SLC5A10: variants seen among roughly 807,000 people sequenced by gnomAD.
SLC5A10 encodes sodium/mannose cotransporter SLC5A10.
SLC5A10 carries 55 observed loss-of-function variants against 68.9 expected under a neutral mutation model. The observed-to-expected ratio is 0.80, with a 90% CI of 0.64 to 1.00. The LOEUF (loss-of-function observed/expected upper bound fraction) is 1.00. Among genes scored for constraint, SLC5A10 ranks in the 50% least tolerant of loss-of-function variants. SLC5A10 has a pLI of 0.00. For synonymous variants in SLC5A10, 344 were observed against 344.8 expected, an observed-to-expected ratio of 1.00 and a Z score of 0.02; for missense variants, 732 against 819.3, an observed-to-expected ratio of 0.89 and a Z score of 1.30.
At chr17:18,960,793 C>A in intron 5 of SLC5A10, 141 bp downstream of exon 5, 1 of 840,806 alleles carries the variant, frequency 1.2e-6, no homozygotes, top group Non-Finnish European at 1.9e-6. Flanking sequence ...GGGGCAATGA[C>A]TTGCCCAGGG....
chr17:18,963,183 A>C (rs949229245), intron 5 of SLC5A10, among the ~76,000 whole-genome samples: 26 of 152,224 alleles, frequency 1.7e-4, no homozygotes, highest in African/African-American at 6.3e-4. Context: ...AATAAAAAGA[A>C]CAAAAGGCAG....
intron 9 of SLC5A10, among the ~76,000 whole-genome samples, chr17:18,986,640 T>G (rs1003398578): frequency 4.6e-5 from 7 of 152,218 alleles, no homozygotes; most frequent in African/African-American, 1.7e-4. Flanking sequence ...AGGGCTTCTC[T>G]GCTGAGAAGG....
rs774587197 is a variant in SLC5A10 at position 19,019,836 on chromosome 17, C to T, written c.1534C>T (p.His512Tyr). ...GCGGCCAGCCGTCCTGGGGAGCATC[C>T]ACTACCTGCACTTCGCTGTCGCCCT... ...DTRPAVLGSI[H>Y]YLHFAVALFA... is the part of the protein sequence containing the mutation. The change falls in exon 13 of 15, where the codon CAC becomes TAC. Residue 512 changes from histidine (H) to tyrosine (Y), a missense_variant. By Grantham distance (83) the His-to-Tyr change is moderately conservative. Transcript: ENST00000395645. 14 of 1,613,674 alleles carry T rather than the reference C, an allele frequency of 8.7e-6. No individual in the cohort carries two copies. The South Asian group carries it at 1.1e-4, about 13-fold the overall frequency.
chr17:19,016,174 T>G (rs1278953717), intron 11 of SLC5A10, among the ~76,000 whole-genome samples: 2 of 151,942 alleles, frequency 1.3e-5, no homozygotes, highest in Non-Finnish European at 2.9e-5. Flanking sequence ...GCCTCTTGAG[T>G]AGCTGGGATT....
At position 18,959,038 on chromosome 17, in the gene SLC5A10, C is replaced by T. The variant is rs529587659; in HGVS notation, c.184-97C>T. On this transcript the variant is annotated intron_variant, in intron 2 of 14. Coordinates refer to ENST00000395645, the MANE Select transcript of SLC5A10 (RefSeq NM_001042450.4). ...CATCCGTGAGGTGGGGCTAGGACCC[C>T]GCTTAGGTTTGTGAGGATGAGGGAG... 80 of 1,232,356 alleles carry T rather than the reference C, an allele frequency of 6.5e-5. No individual in the cohort carries two copies. The African/African-American group carries it at 8.4e-4, about 13-fold the overall frequency. The allele number at this position is 1,232,356 out of a possible 1,614,324, so 76.3% of individuals were successfully genotyped here.
At chr17:19,011,652 A>G (rs1232900673) in intron 9 of SLC5A10, among the ~76,000 whole-genome samples, 1 of 151,600 alleles carries the variant, frequency 6.6e-6, no homozygotes, top group Non-Finnish European at 1.5e-5. Context: ...GAGGGGGAAG[A>G]AGCTATGAGC....
In SLC5A10 at chr17:18,968,347, T is replaced by C. The variant is rs1251785679; in HGVS notation, c.454-705T>C. Among the ~76,000 whole-genome samples the C allele has an allele frequency of 1.8e-4, 27 of 152,232 alleles. No homozygotes were observed. The highest frequency in any genetic ancestry group is 1.5e-5 in the Non-Finnish European group (1 of 68,030). ...GCCCATGTCCCAGAGAACAGGGTCCTGCCCTTCCTCTCACTGGGCCCCTAC... is the reference window on the plus strand; with the variant it reads ...GCCCATGTCCCAGAGAACAGGGTCCCGCCCTTCCTCTCACTGGGCCCCTAC... On this transcript the variant is annotated intron_variant, in intron 5 of 14. Coordinates refer to ENST00000395645, the MANE Select transcript of SLC5A10 (RefSeq NM_001042450.4). The surrounding 1 kb of genome is among the most constrained non-coding windows in gnomAD (Gnocchi z 4.1).
intron 9 of SLC5A10, among the ~76,000 whole-genome samples, chr17:18,980,798 T>C (rs890103913): frequency 3.3e-5 from 5 of 152,222 alleles, no homozygotes; most frequent in Admixed American, 6.5e-5. Context: ...GTGTAAGAAA[T>C]GCTCCTGGGT....
intron 9 of SLC5A10, among the ~76,000 whole-genome samples, chr17:18,989,269 G>C (rs2043349788): frequency 6.6e-6 from 1 of 152,098 alleles, no homozygotes; most frequent in Non-Finnish European, 1.5e-5. Context: ...AGCAAGCTGG[G>C]GACAGAGTCA....
At chr17:18,978,361 G>A (rs1375426806) in intron 9 of SLC5A10, 1 of 1,597,686 alleles carries the variant, frequency 6.3e-7, no homozygotes, top group South Asian at 1.1e-5. Flanking sequence ...GGTTCCAGAT[G>A]TTGGGGTCGA....
At position 19,013,459 on chromosome 17, in the gene SLC5A10, C is replaced by T. The variant is rs529272458; in HGVS notation, c.1032C>T (p.Ala344=). The part of the protein sequence containing the change: ...VPSECLRACG[A]EVGCSNIAYP... ...CCGAGTGCCTGCGGGCCTGCGGGGC[C>T]GAGGTCGGCTGCTCCAACATCGCCT... The change falls in exon 10 of 15, where the codon GCC becomes GCT. Residue 344 remains alanine, a synonymous_variant. Transcript: ENST00000395645. 172 of 1,603,778 alleles carry T rather than the reference C, an allele frequency of 1.1e-4. No homozygotes were observed. In the South Asian group the frequency reaches 1.6e-3, roughly 15 times the overall value.
chr17:19,002,123 C>G (rs981967409), intron 9 of SLC5A10, among the ~76,000 whole-genome samples: 1 of 152,200 alleles, frequency 6.6e-6, no homozygotes, highest in African/African-American at 2.4e-5. Context: ...CCTCCCCCTC[C>G]TCCTCCTCTT....
At chr17:19,019,325 G>A in intron 11 of SLC5A10, 98 bp from the exon 12 acceptor site, 1 of 1,435,608 alleles carries the variant, frequency 7.0e-7, no homozygotes, top group Admixed American at 2.1e-5. Context: ...GGGGTAGCAG[G>A]GGAAAGATTA....
chr17:19,003,754 G>A lies in SLC5A10; in HGVS notation c.983-9656G>A, dbSNP rs765732926. Reference sequence around the variant, plus strand: ...CCGCCCCGCTGGCTTCCTCGCCGTCGCCGACCCCATTGTCCTCGGGCCCCT... The same window carrying A: ...CCGCCCCGCTGGCTTCCTCGCCGTCACCGACCCCATTGTCCTCGGGCCCCT... On this transcript the variant is annotated intron_variant, in intron 9 of 14. Transcript: ENST00000395645. This position sits in a 1 kb window ranked among gnomAD's most constrained non-coding sequence, Gnocchi z 4.5. 3.7e-5 allele frequency: 59 copies of A among 1,605,690 alleles called. No individual in the cohort carries two copies. The highest frequency in any genetic ancestry group is 3.4e-4 in the Middle Eastern group (2 of 5,824).
intron 1 of SLC5A10, among the ~76,000 whole-genome samples, chr17:18,955,343 T>C (rs764409704): frequency 6.6e-6 from 1 of 152,126 alleles, no homozygotes; most frequent in Non-Finnish European, 1.5e-5. Flanking sequence ...TAGATGGGTG[T>C]GTTTTCATCT....
At chr17:19,002,713 G>A (rs1471879465) in intron 9 of SLC5A10, among the ~76,000 whole-genome samples, 1 of 152,216 alleles carries the variant, frequency 6.6e-6, no homozygotes. Context: ...GTCCAGCAGT[G>A]GCCTAGCTGT....
chr17:18,971,021 C>T lies in SLC5A10; in HGVS notation c.649C>T (p.Gln217Ter), dbSNP rs200287025. The change falls in exon 8 of 15, where the codon CAG becomes TAG. Residue 217 changes from glutamine (Q) to a stop codon, truncating the protein, a stop_gained. Transcript: ENST00000395645. LOFTEE classifies it high-confidence loss of function. This position sits in a 1 kb window ranked among gnomAD's most constrained non-coding sequence, Gnocchi z 5.5. Reference protein sequence around the residue: ...AVILTIKAFDQIGGYGQLEAA... With the variant: ...AVILTIKAFD ...CACCCTGACCCCTCCAGCTTTTGAC[C>T]AGATCGGTGGTTACGGGCAGCTGGA... 392 of 1,613,930 alleles carry T rather than the reference C, an allele frequency of 2.4e-4. 1 individual carries two copies. The highest frequency in any genetic ancestry group is 3.2e-4 in the Non-Finnish European group (382 of 1,180,014).
At position 19,022,074 on chromosome 17, in the gene SLC5A10, C is replaced by CGGAAGCTGAGCTGCGAG; in HGVS notation, c.*1646_*1662dup. 1 of 1,591,602 alleles carries CGGAAGCTGAGCTGCGAG rather than the reference C, an allele frequency of 6.3e-7. No homozygotes were observed. Among genetic ancestry groups the CGGAAGCTGAGCTGCGAG allele is most frequent in the Non-Finnish European group, 8.5e-7 (1 of 1,169,858 alleles). On this transcript the variant is annotated 3_prime_UTR_variant, in exon 15 of 15. Transcript: ENST00000395645. ...CAGGACCTCAATGATGTCGCCACGG[C>CGGAAGCTGAGCTGCGAG]GGAAGCTGAGCTGCGAGGGGTCCTG...
intron 7 of SLC5A10, chr17:18,970,522 T>TATA: frequency 5.8e-6 from 1 of 173,172 alleles, no homozygotes; most frequent in South Asian, 1.3e-4. Context: ...GTCTCCCTCT[T>TATA]CTCTGTGCCT....
Sources: gnomAD v4.1 joint callset for allele counts (sites outside exome capture counted in the v4.1 genomes callset) on GRCh38, gnomAD v4.1.1 for gene constraint, Gnocchi (gnomAD v3.1) non-coding constraint, MANE v1.5 for transcripts, NCBI Gene and HGNC (gene_info 2026-07-23, HGNC 2026-07-21) for gene names.